ABCA3: variants seen among roughly 807,000 people sequenced by gnomAD.
The protein encoded by ABCA3 is ATP binding cassette subfamily A member 3.
In ABCA3, 88 loss-of-function variants were observed where a neutral mutation model predicts 172.8. The ratio of observed to expected loss-of-function variants is 0.51; its 90% CI spans 0.43 to 0.61. The LOEUF (loss-of-function observed/expected upper bound fraction) is 0.61, where lower values mean the gene tolerates loss of function less well. ABCA3 is among the 20% of genes least tolerant of loss of function. The pLI, the probability that ABCA3 is intolerant of heterozygous loss-of-function variation, is 0.00. For missense variants in ABCA3, 2,164 were observed against 2,301.0 expected (o/e 0.94, Z 1.22); for synonymous variants, 1,066 against 983.8 (o/e 1.08, Z -1.56).
Position 2,297,678 on chromosome 16 carries a change from C to T in ABCA3, c.2052+88G>A. Reference sequence around the variant, plus strand: ...ATGGTGATGGCCTTGTCTGGGGTGTCAAGGGCCAAGGTGCCCGGGCCATGG... The same window carrying T: ...ATGGTGATGGCCTTGTCTGGGGTGTTAAGGGCCAAGGTGCCCGGGCCATGG... On this transcript the variant is annotated intron_variant, in intron 16 of 32. Transcript: ENST00000301732. This position sits in a 1 kb window ranked among gnomAD's most constrained non-coding sequence, Gnocchi z 5.6. 3.1e-6 allele frequency: 5 copies of T among 1,596,052 alleles called. No individual in the cohort carries two copies. The highest frequency in any genetic ancestry group is 4.2e-6 in the Non-Finnish European group (5 of 1,176,798).
At chr16:2,300,496 A>G (rs867955006) in intron 12 of ABCA3, among the ~76,000 whole-genome samples, 2 of 152,254 alleles carry the variant, frequency 1.3e-5, no homozygotes, top group Non-Finnish European at 2.9e-5. Context: ...TGGAGCCAAA[A>G]TGGAAAGAAA....
chr16:2,286,615 T>C lies in ABCA3; in HGVS notation c.3278+79A>G. 6.3e-7 allele frequency: 1 copy of C among 1,576,614 alleles called. No individual in the cohort carries two copies. Among genetic ancestry groups the C allele is most frequent in the Non-Finnish European group, 8.7e-7 (1 of 1,156,044 alleles). On this transcript the variant is annotated intron_variant, in intron 22 of 32. Transcript: ENST00000301732. This position sits in a 1 kb window ranked among gnomAD's most constrained non-coding sequence, Gnocchi z 5.2. ...GGGAGGGCAGACACAATGCTCTATC[T>C]ATGGGCCCGTGGCAGTGCCCAGGGC...
rs558115057 is a variant in ABCA3 at position 2,325,963 on chromosome 16, G to A, written c.319+47C>T. On this transcript the variant is annotated intron_variant, in intron 5 of 32. Transcript: ENST00000301732. ...GCTCGACCCCTGCCTGCCCAGCCGC[G>A]TGGAGGCACCACTAGGCCTGGCACC... 172 of 1,609,660 alleles carry A rather than the reference G, an allele frequency of 1.1e-4. 1 individual carries two copies. In the South Asian group the frequency reaches 1.7e-3, roughly 16 times the overall value.
chr16:2,279,743 T>A lies in ABCA3; in HGVS notation c.4360-613A>T, dbSNP rs1274110624. 3.7e-5 allele frequency among the ~76,000 whole-genome samples: 5 copies of A among 136,350 alleles called. No individual in the cohort carries two copies. The highest frequency in any genetic ancestry group is 2.9e-4 in the Admixed American group (4 of 13,950). 89.5% of individuals were successfully genotyped at this position (136,350 alleles called of 152,430 possible). A position where few individuals can be genotyped will look rare whatever the true frequency, so the allele number is the denominator to read the frequency against. On this transcript the variant is annotated intron_variant, in intron 28 of 32. Coordinates refer to ENST00000301732, the MANE Select transcript of ABCA3 (RefSeq NM_001089.3). The surrounding 1 kb of genome is among the most constrained non-coding windows in gnomAD (Gnocchi z 4.4). ...CTTTGGGGTTCTCAAGCTTCCAGAA[T>A]TTTTTTTTTTTTTTTTGAGACAGAG...
At position 2,319,710 on chromosome 16, in the gene ABCA3, C is replaced by T. The variant is rs149353430; in HGVS notation, c.744G>A (p.Pro248=). ...CGAGGAAGGGGTCTGCGATGAACGG[C>T]GGGTACGGGAACCTCTTGATGGTCA... ...LTVTIKRFPY[P]PFIADPFLVA... The change falls in exon 8 of 33, where the codon CCG becomes CCA. Residue 248 remains proline, a synonymous_variant. Transcript: ENST00000301732. The T allele has an allele frequency of 2.5e-5, 40 of 1,613,572 alleles. No individual in the cohort carries two copies. In the South Asian group the frequency reaches 2.6e-4, roughly 11 times the overall value.
chr16:2,294,104 C>G (rs9925959), intron 18 of ABCA3, among the ~76,000 whole-genome samples: 1 of 151,036 alleles, frequency 6.6e-6, no homozygotes, highest in African/African-American at 2.4e-5. Flanking sequence ...ACTGCAACCT[C>G]TGCTCCTGGG....
chr16:2,283,669 C>A lies in ABCA3; in HGVS notation c.3863-311G>T, dbSNP rs1440404975. 2 of 402,776 alleles carry A rather than the reference C, an allele frequency of 5.0e-6. No individual in the cohort carries two copies. The highest frequency in any genetic ancestry group is 9.3e-6 in the Non-Finnish European group (2 of 214,972). 25.0% of individuals were successfully genotyped at this position (402,776 alleles called of 1,614,324 possible). On this transcript the variant is annotated intron_variant, in intron 25 of 32. Transcript: ENST00000301732. This position sits in a 1 kb window ranked among gnomAD's most constrained non-coding sequence, Gnocchi z 5.4. ...CTCCTGACCAGGACAGAGACCGTTA[C>A]AAGCACCGAGGGGTGTGTGGGAGGC...
At chr16:2,315,203 TACACACACACACACACAC>T (rs377647001) in intron 10 of ABCA3, among the ~76,000 whole-genome samples, 2 of 138,502 alleles carry the variant, frequency 1.4e-5, no homozygotes, top group East Asian at 4.1e-4. Context: ...GTATGTATTT[TACACACACACACACACAC>T]ACACACACAC....
At chr16:2,316,675 G>GAA (rs894366029) in intron 10 of ABCA3, among the ~76,000 whole-genome samples, 10 of 144,504 alleles carry the variant, frequency 6.9e-5, no homozygotes, top group African/African-American at 2.5e-4. Context: ...AAGACTGCTC[G>GAA]AAAAAAAAAA....
intron 10 of ABCA3, among the ~76,000 whole-genome samples, chr16:2,314,299 G>A (rs1567349862): frequency 6.6e-6 from 1 of 152,176 alleles, no homozygotes; most frequent in Non-Finnish European, 1.5e-5. Flanking sequence ...TTGAAAAGGA[G>A]GGGAATTCAG....
intron 10 of ABCA3, among the ~76,000 whole-genome samples, chr16:2,310,671 C>T (rs775749126): frequency 4.0e-5 from 6 of 151,716 alleles, no homozygotes; most frequent in East Asian, 3.9e-4. Flanking sequence ...TATGCACCAC[C>T]GGGCCAGGCT....
rs2093670471 is a variant in ABCA3, at chr16:2,290,556, T to TACC, written c.2514-939_2514-937dup. On this transcript the variant is annotated intron_variant, in intron 19 of 32. Transcript: ENST00000301732. ...GACGCAGCAGGATCAACCCGGGTTC[T>TACC]ACCCTCAGAGCCGGCTGACTCCAGG... Among the ~76,000 whole-genome samples, 3 of 152,292 alleles carry TACC rather than the reference T, an allele frequency of 2.0e-5. No homozygotes were observed. In the South Asian group the frequency reaches 6.2e-4, roughly 32 times the overall value.
At chr16:2,330,913 G>A (rs1257270022) in intron 1 of ABCA3, among the ~76,000 whole-genome samples, 1 of 151,938 alleles carries the variant, frequency 6.6e-6, no homozygotes, top group Admixed American at 6.6e-5. Flanking sequence ...GTGCTAGCCA[G>A]GATGGTCTCG....
At chr16:2,338,976 G>C (rs1321498613) in intron 1 of ABCA3, among the ~76,000 whole-genome samples, 1 of 151,812 alleles carries the variant, frequency 6.6e-6, no homozygotes, top group East Asian at 1.9e-4. Flanking sequence ...GGCTGGTCTC[G>C]AACTCCTGAA....
At chr16:2,318,598 C>T (rs1444098230) in intron 8 of ABCA3, among the ~76,000 whole-genome samples, 3 of 151,696 alleles carry the variant, frequency 2.0e-5, no homozygotes, top group Admixed American at 1.3e-4. Context: ...CTGCAACCTC[C>T]ACCTCCCGGG....
chr16:2,281,585 GT>G lies in ABCA3; in HGVS notation c.4036-77del. On this transcript the variant is annotated intron_variant, in intron 26 of 32. Coordinates refer to ENST00000301732, the MANE Select transcript of ABCA3 (RefSeq NM_001089.3). The surrounding 1 kb of genome is among the most constrained non-coding windows in gnomAD (Gnocchi z 4.7). ...TTCCGTGGAGAAGGGAGGGGCGGGGGTGGATGTGGGAGGTCTGGTGGGACTA... is the reference window on the plus strand; with the variant it reads ...TTCCGTGGAGAAGGGAGGGGCGGGGGGGATGTGGGAGGTCTGGTGGGACTA... 1 of 1,204,484 alleles carries G rather than the reference GT, an allele frequency of 8.3e-7. No homozygotes were observed. Among genetic ancestry groups the G allele is most frequent in the Non-Finnish European group, 1.2e-6 (1 of 838,084 alleles). 74.6% of individuals were successfully genotyped at this position (1,204,484 alleles called of 1,614,324 possible).
In ABCA3 at chr16:2,286,249, C is replaced by T. The variant is rs2093662942; in HGVS notation, c.3278+445G>A. On this transcript the variant is annotated intron_variant, in intron 22 of 32. Coordinates refer to ENST00000301732, the MANE Select transcript of ABCA3 (RefSeq NM_001089.3). This position sits in a 1 kb window ranked among gnomAD's most constrained non-coding sequence, Gnocchi z 5.2. The stretch of plus-strand genomic sequence containing the variant: ...CTCTGTGGCCGGCATAGGGGGTAGC[C>T]CTGCCCACACAATGGCATGGCAGGC... Among the ~76,000 whole-genome samples the T allele has an allele frequency of 6.6e-6, 1 of 152,066 alleles. No individual in the cohort carries two copies. The highest frequency in any genetic ancestry group is 1.9e-4 in the East Asian group (1 of 5,178).
At chr16:2,316,909 G>A (rs1239785713) in intron 10 of ABCA3, among the ~76,000 whole-genome samples, 4 of 152,160 alleles carry the variant, frequency 2.6e-5, no homozygotes, top group African/African-American at 9.7e-5. Flanking sequence ...GGCAGGAAAG[G>A]AAAACAAAGA....
chr16:2,337,839 C>T (rs1224749085), intron 1 of ABCA3, among the ~76,000 whole-genome samples: 1 of 152,242 alleles, frequency 6.6e-6, no homozygotes, highest in African/African-American at 2.4e-5. Flanking sequence ...GGCGCTCATA[C>T]TCAGCACCAC....
Sources: gnomAD v4.1 joint callset for allele counts (sites outside exome capture counted in the v4.1 genomes callset) on GRCh38, gnomAD v4.1.1 for gene constraint, Gnocchi (gnomAD v3.1) non-coding constraint, MANE v1.5 for transcripts, NCBI Gene and HGNC (gene_info 2026-07-23, HGNC 2026-07-21) for gene names.